GRIK2: variants seen among roughly 807,000 people sequenced by gnomAD.
GRIK2 encodes the protein glutamate receptor ionotropic, kainate 2.
A neutral mutation model predicts 100.3 loss-of-function variants in GRIK2; 32 were observed. The observed-to-expected ratio is 0.32, with a 90% confidence interval of 0.24 to 0.43. The LOEUF is 0.43. Ranked by LOEUF, GRIK2 falls within the 20% of genes least tolerant of loss-of-function variation. The pLI is 1.00. For synonymous variants in GRIK2, 417 were observed against 389.4 expected (o/e 1.07, Z -0.83); for missense variants, 843 against 1,114.9 (o/e 0.76, Z 3.47).
chr6:101,868,248 C>T (rs1785175968), intron 11 of GRIK2, among the ~76,000 whole-genome samples: 1 of 146,202 alleles, frequency 6.8e-6, no homozygotes, highest in Admixed American at 6.8e-5. Context: ...TAAAGAAAAA[C>T]AGTTTGGAGT....
intron 10 of GRIK2, among the ~76,000 whole-genome samples, chr6:101,829,666 C>G (rs1400327554): frequency 6.6e-6 from 1 of 151,646 alleles, no homozygotes; most frequent in Non-Finnish European, 1.5e-5. Context: ...ATATAAAGAA[C>G]CTAGGAATAC....
At chr6:101,955,698 T>C (rs2128480654) in intron 14 of GRIK2, among the ~76,000 whole-genome samples, 1 of 152,068 alleles carries the variant, frequency 6.6e-6, no homozygotes, top group South Asian at 2.1e-4. Context: ...GTCTAATTTG[T>C]GGCCACACAG....
intron 7 of GRIK2, among the ~76,000 whole-genome samples, chr6:101,737,760 T>C (rs1366539600): frequency 6.6e-6 from 1 of 152,202 alleles, no homozygotes; most frequent in South Asian, 2.1e-4. Flanking sequence ...CTTTTATTGC[T>C]TTTATGTTGA....
intron 2 of GRIK2, among the ~76,000 whole-genome samples, chr6:101,466,639 CAT>C (rs1771662503): frequency 6.6e-6 from 1 of 151,178 alleles, no homozygotes; most frequent in South Asian, 2.1e-4. Context: ...TGTCATGTAG[CAT>C]ATATCGTCTT....
intron 2 of GRIK2, among the ~76,000 whole-genome samples, chr6:101,561,273 G>T (rs951488208): frequency 2.6e-5 from 4 of 152,058 alleles, no homozygotes; most frequent in Admixed American, 2.6e-4. Context: ...GGCTTAAAAG[G>T]ATTCCAGTCC....
intron 7 of GRIK2, among the ~76,000 whole-genome samples, chr6:101,793,946 T>C (rs1188099513): frequency 1.3e-5 from 2 of 152,148 alleles, no homozygotes; most frequent in African/African-American, 4.8e-5. Context: ...CCCTGCCGCG[T>C]TGCAGTTTGA....
intron 7 of GRIK2, among the ~76,000 whole-genome samples, chr6:101,792,004 G>A (rs1415201192): frequency 6.6e-6 from 1 of 151,958 alleles, no homozygotes; most frequent in Non-Finnish European, 1.5e-5. Context: ...TTTAAAGTCT[G>A]TTTTATCAGA....
intron 11 of GRIK2, among the ~76,000 whole-genome samples, chr6:101,883,634 C>G (rs1786418041): frequency 1.3e-5 from 2 of 152,032 alleles, no homozygotes; most frequent in South Asian, 2.1e-4. Context: ...AATGTGATAA[C>G]CACTATGCTC....
intron 2 of GRIK2, among the ~76,000 whole-genome samples, chr6:101,554,487 A>G (rs1776649390): frequency 6.6e-6 from 1 of 152,124 alleles, no homozygotes; most frequent in South Asian, 2.1e-4. Flanking sequence ...GAGTGTCACT[A>G]CCAGGATATA....
At chr6:101,858,171 T>A (rs1006826777) in intron 10 of GRIK2, among the ~76,000 whole-genome samples, 2 of 152,186 alleles carry the variant, frequency 1.3e-5, no homozygotes, top group Non-Finnish European at 2.9e-5. Context: ...TTTATGTTTT[T>A]ATACCACTTA....
At chr6:101,839,715 G>A (rs916853210) in intron 10 of GRIK2, among the ~76,000 whole-genome samples, 1 of 151,982 alleles carries the variant, frequency 6.6e-6, no homozygotes. Flanking sequence ...AGGGATGAGG[G>A]AAAGAAATCA....
chr6:101,940,862 C>T (rs1012380911), intron 14 of GRIK2, among the ~76,000 whole-genome samples: 1 of 152,076 alleles, frequency 6.6e-6, no homozygotes, highest in African/African-American at 2.4e-5. Flanking sequence ...TATGAAATTT[C>T]AATTATTTAA....
intron 7 of GRIK2, among the ~76,000 whole-genome samples, chr6:101,788,365 C>T (rs951047608): frequency 6.6e-6 from 1 of 151,918 alleles, no homozygotes; most frequent in Non-Finnish European, 1.5e-5. Flanking sequence ...CCCCCTGCCC[C>T]CACCCCACAA....
At chr6:101,891,898 GACAGAC>G (rs1787123713) in intron 12 of GRIK2, among the ~76,000 whole-genome samples, 1 of 152,056 alleles carries the variant, frequency 6.6e-6, no homozygotes, top group Non-Finnish European at 1.5e-5. Context: ...TTTTTATAGT[GACAGAC>G]ACAGCCACTC....
At chr6:101,581,733 A>G (rs1458914745) in intron 2 of GRIK2, among the ~76,000 whole-genome samples, 1 of 152,190 alleles carries the variant, frequency 6.6e-6, no homozygotes, top group Non-Finnish European at 1.5e-5. Flanking sequence ...ATCTGTCTGT[A>G]GTATAAGATA....
intron 4 of GRIK2, among the ~76,000 whole-genome samples, chr6:101,670,653 G>A (rs1176353567): frequency 1.3e-5 from 2 of 151,970 alleles, no homozygotes; most frequent in East Asian, 3.9e-4. Flanking sequence ...CCTTTCCTTT[G>A]GCAATGAGTT....
At chr6:102,006,676 T>G (rs1582709281) in intron 14 of GRIK2, among the ~76,000 whole-genome samples, 1 of 151,910 alleles carries the variant, frequency 6.6e-6, no homozygotes, top group Non-Finnish European at 1.5e-5. Context: ...TCCAGCATAC[T>G]GTCATACTGA....
chr6:102,030,795 C>T (rs79730859), intron 14 of GRIK2, among the ~76,000 whole-genome samples: 5 of 151,000 alleles, frequency 3.3e-5, no homozygotes, highest in Admixed American at 6.6e-5. Context: ...CATCTATCCA[C>T]GACTTGGTCA....
At chr6:101,588,300 T>C (rs588255) in intron 2 of GRIK2, among the ~76,000 whole-genome samples, 55,499 of 151,800 alleles carry the variant, frequency 0.37, 11,299 homozygotes, top group African/African-American at 0.56. Context: ...ATGTAAAAGC[T>C]TGAAAGCCAG....
Sources: allele counts gnomAD v4.1 joint callset (sites outside exome capture counted in the v4.1 genomes callset), GRCh38; gene constraint gnomAD v4.1.1; transcripts MANE v1.5; gene names NCBI Gene and HGNC (gene_info 2026-07-23, HGNC 2026-07-21).